The following FOCAD variants were observed in gnomAD, a reference collection of about 807,000 sequenced individuals.
The protein encoded by FOCAD is KIAA1797.
Under a neutral mutation model 225.6 loss-of-function variants are expected in FOCAD, and 198 were observed. The ratio of observed to expected loss-of-function variants is 0.88; its 90% CI spans 0.78 to 0.99. The LOEUF is 0.99. Ranked by LOEUF, FOCAD falls within the 50% of genes least tolerant of loss-of-function variation. The pLI is 0.00. For synonymous variants in FOCAD, 897 were observed against 755.0 expected, an observed-to-expected ratio of 1.19 and a Z score of -3.08; for missense variants, 2,713 against 2,123.6, an observed-to-expected ratio of 1.28 and a Z score of -5.46.
intron 21 of FOCAD, among the ~76,000 whole-genome samples, chr9:20,890,641 T>A (rs1831533668): frequency 6.6e-6 from 1 of 152,138 alleles, no homozygotes; most frequent in South Asian, 2.1e-4. Flanking sequence ...TTTCTTGTAG[T>A]AATTTTGCCT....
At chr9:20,927,022 A>T (rs1835020144) in intron 26 of FOCAD, among the ~76,000 whole-genome samples, 1 of 22,782 alleles carries the variant, frequency 4.4e-5, no homozygotes, top group Non-Finnish European at 1.4e-4. Context: ...ATGTATAGAC[A>T]TATATATATA....
chr9:20,917,797 A>G (rs1450430212), intron 24 of FOCAD, among the ~76,000 whole-genome samples: 2 of 152,188 alleles, frequency 1.3e-5, no homozygotes, highest in Non-Finnish European at 2.9e-5. Flanking sequence ...TGCCTTAAAA[A>G]CAGAACAAAA....
chr9:20,782,275 G>A lies in FOCAD; in HGVS notation c.1197+346G>A, dbSNP rs557395241. Among the ~76,000 whole-genome samples, 154 of 152,242 alleles carry A rather than the reference G, an allele frequency of 1.0e-3. 1 individual carries two copies. The Middle Eastern group carries it at 0.014, about 13-fold the overall frequency. ...AAAATTATACTGTTAGTTAAGTACA[G>A]CATATTGCTAGATCTGAGATAATCC... is the stretch of plus-strand genomic sequence containing the variant. On this transcript the variant is annotated intron_variant, in intron 10 of 43. Coordinates refer to ENST00000338382, the MANE Select transcript of FOCAD (RefSeq NM_001375567.1).
At chr9:20,738,705 G>A (rs2131647909) in intron 4 of FOCAD, among the ~76,000 whole-genome samples, 1 of 152,254 alleles carries the variant, frequency 6.6e-6, no homozygotes, top group African/African-American at 2.4e-5. Flanking sequence ...AATCCATTTA[G>A]GCACTAAACT....
At chr9:20,918,067 A>G (rs1224157064) in intron 24 of FOCAD, among the ~76,000 whole-genome samples, 2 of 152,244 alleles carry the variant, frequency 1.3e-5, no homozygotes, top group African/African-American at 4.8e-5. Flanking sequence ...TTGCAGACAT[A>G]GTGGGAGAGG....
intron 4 of FOCAD, 84 bp downstream of exon 4, chr9:20,720,618 TCATCCTACTTG>T: frequency 7.4e-7 from 1 of 1,345,610 alleles, no homozygotes; most frequent in South Asian, 1.4e-5. Flanking sequence ...GAGTCAGCAT[TCATCCTACTTG>T]CCAGTTGTTT....
At chr9:20,892,072 A>G (rs989468476) in intron 21 of FOCAD, among the ~76,000 whole-genome samples, 10 of 152,190 alleles carry the variant, frequency 6.6e-5, no homozygotes, top group African/African-American at 1.9e-4. Context: ...ATATCTGTTT[A>G]TACATGGTTT....
chr9:20,845,442 G>GAGATAGATATATATATATATATAT (rs368497237), intron 15 of FOCAD, among the ~76,000 whole-genome samples: 1 of 121,236 alleles, frequency 8.2e-6, no homozygotes. Context: ...TCTTTTCCTC[G>GAGATAGATATATATATATATATAT]ATATATATAT....
intron 19 of FOCAD, chr9:20,875,021 C>A (rs1046767980): frequency 3.8e-6 from 2 of 528,562 alleles, no homozygotes; most frequent in East Asian, 3.5e-5. Context: ...TAGGATTGAA[C>A]AAGAAAACTA....
rs1404965549 is a variant in FOCAD, at chr9:20,943,404, G to T, written c.3408-1223G>T. ...CGTATTCCATCATGGCACCATGAAG[G>T]GCACTGAGAGGGGCTTTGGGTTTGG... On this transcript the variant is annotated intron_variant, in intron 28 of 43. Transcript: ENST00000338382. Among the ~76,000 whole-genome samples, 3 of 152,190 alleles carry T rather than the reference G, an allele frequency of 2.0e-5. No homozygotes were observed. In the East Asian group the frequency reaches 5.8e-4, roughly 29 times the overall value.
chr9:20,912,757 A>G (rs1833541386), intron 22 of FOCAD, 109 bp from the exon 23 acceptor site: 1 of 801,742 alleles, frequency 1.2e-6, no homozygotes, highest in Admixed American at 2.1e-5. Flanking sequence ...TGTCTTACCC[A>G]GAACACTTAA....
At chr9:20,733,269 C>G (rs1377321043) in intron 4 of FOCAD, among the ~76,000 whole-genome samples, 1 of 152,094 alleles carries the variant, frequency 6.6e-6, no homozygotes, top group Non-Finnish European at 1.5e-5. Flanking sequence ...GAATACAGGT[C>G]CTAAGCAGAA....
intron 18 of FOCAD, among the ~76,000 whole-genome samples, chr9:20,867,356 C>A (rs891156299): frequency 1.3e-5 from 2 of 151,900 alleles, no homozygotes; most frequent in South Asian, 2.1e-4. Context: ...TTTATAGCAC[C>A]TGTGCAGCCA....
At chr9:20,889,448 C>A (rs1831416771) in intron 21 of FOCAD, among the ~76,000 whole-genome samples, 1 of 152,020 alleles carries the variant, frequency 6.6e-6, no homozygotes, top group Non-Finnish European at 1.5e-5. Context: ...TAGCTTAGGT[C>A]CATTTGAGTT....
At chr9:20,944,536 G>A (rs1443168301) in intron 28 of FOCAD, 91 bp from the exon 29 acceptor site, 7 of 1,444,144 alleles carry the variant, frequency 4.8e-6, no homozygotes, top group South Asian at 1.3e-5. Context: ...TCTCACCAAG[G>A]TTTGAGAGCT....
At chr9:20,919,793 C>T (rs1405104236) in intron 24 of FOCAD, among the ~76,000 whole-genome samples, 1 of 152,120 alleles carries the variant, frequency 6.6e-6, no homozygotes, top group Admixed American at 6.5e-5. Context: ...CTTCCTTACA[C>T]CTTATACGAA....
At chr9:20,775,280 A>G (rs995390934) in intron 8 of FOCAD, among the ~76,000 whole-genome samples, 1 of 152,156 alleles carries the variant, frequency 6.6e-6, no homozygotes, top group Non-Finnish European at 1.5e-5. Flanking sequence ...AAACAGATGT[A>G]CCCTGACCAG....
chr9:20,965,341 T>G (rs926837272), intron 35 of FOCAD, among the ~76,000 whole-genome samples: 2 of 152,188 alleles, frequency 1.3e-5, no homozygotes, highest in African/African-American at 4.8e-5. Context: ...TTGCAAGGAT[T>G]CTTTGGTTTC....
chr9:20,742,260 G>A (rs1179526897), intron 5 of FOCAD, among the ~76,000 whole-genome samples: 1 of 152,212 alleles, frequency 6.6e-6, no homozygotes, highest in East Asian at 1.9e-4. Context: ...TCTCCGCCAT[G>A]AGGCCTAGTG....
Sources: gnomAD v4.1 joint callset for allele counts (sites outside exome capture counted in the v4.1 genomes callset) on GRCh38, gnomAD v4.1.1 for gene constraint, MANE v1.5 for transcripts, NCBI Gene and HGNC (gene_info 2026-07-23, HGNC 2026-07-21) for gene names.